The following FBXL20 variants were observed in gnomAD, a reference collection of about 807,000 sequenced individuals.
FBXL20 encodes F-box and leucine rich repeat protein 20, also known as F-box/LRR-repeat protein 20.
Under a neutral mutation model 64.0 loss-of-function variants are expected in FBXL20, and 11 were observed. That is an observed-to-expected ratio of 0.17 (90% CI 0.11 to 0.28). The LOEUF (loss-of-function observed/expected upper bound fraction) is 0.28. Ranked by LOEUF, FBXL20 falls within the 10% of genes least tolerant of loss-of-function variation. The pLI, the probability that FBXL20 is intolerant of heterozygous loss-of-function variation, is 1.00. For missense variants in FBXL20, 303 were observed against 526.2 expected (o/e 0.58, Z 4.15); for synonymous variants, 184 against 189.0 (o/e 0.97, Z 0.22).
At chr17:39,381,723 GT>G (rs1359949944) in intron 1 of FBXL20, among the ~76,000 whole-genome samples, 2 of 150,430 alleles carry the variant, frequency 1.3e-5, no homozygotes, top group African/African-American at 4.9e-5. Flanking sequence ...CGGTGGAGAG[GT>G]TTAGGCTGTA....
Position 39,278,223 on chromosome 17 carries a change from G to A in FBXL20, c.697-3123C>T, listed in dbSNP as rs190840028. Among the ~76,000 whole-genome samples, 72 of 152,246 alleles carry A rather than the reference G, an allele frequency of 4.7e-4. 1 individual carries two copies. Among genetic ancestry groups the A allele is most frequent in the Admixed American group, 1.4e-3 (22 of 15,290 alleles). On this transcript the variant is annotated intron_variant, in intron 9 of 14. Transcript: ENST00000264658. ...TGCAGTGGCGTGCTCTTGGCTCACC[G>A]CTACATCTGCCTCCCAGGTTCAAGT...
At position 39,310,355 on chromosome 17, in the gene FBXL20, G is replaced by T. The variant is rs78452492; in HGVS notation, c.105-6716C>A. ...ATTTGCACATGCAATCCATGACGTA[G>T]CATGAAAAGACAGCCATGCATGCCT... On this transcript the variant is annotated intron_variant, in intron 2 of 14. Coordinates refer to ENST00000264658, the MANE Select transcript of FBXL20 (RefSeq NM_032875.3). Among the ~76,000 whole-genome samples, 4 of 152,022 alleles carry T rather than the reference G, an allele frequency of 2.6e-5. No individual in the cohort carries two copies. In the East Asian group the frequency reaches 7.8e-4, roughly 30 times the overall value.
intron 1 of FBXL20, among the ~76,000 whole-genome samples, chr17:39,375,890 C>T (rs561485990): frequency 2.0e-5 from 3 of 152,014 alleles, no homozygotes; most frequent in South Asian, 2.1e-4. Context: ...GAGGCCAAGG[C>T]GGGCAGATCA....
At chr17:39,383,716 A>G (rs997786691) in intron 1 of FBXL20, among the ~76,000 whole-genome samples, 2 of 151,118 alleles carry the variant, frequency 1.3e-5, no homozygotes, top group African/African-American at 4.9e-5. Flanking sequence ...CAGCCTCCCA[A>G]GTAGCTGGGA....
chr17:39,397,161 C>A (rs766640624), intron 1 of FBXL20, among the ~76,000 whole-genome samples: 1 of 152,142 alleles, frequency 6.6e-6, no homozygotes, highest in Non-Finnish European at 1.5e-5. Context: ...CCGCTTTGGC[C>A]TCCCAAAGTG....
chr17:39,299,637 C>T (rs556640476), intron 4 of FBXL20, among the ~76,000 whole-genome samples: 2 of 151,966 alleles, frequency 1.3e-5, no homozygotes, highest in South Asian at 2.1e-4. Context: ...AAAAACTAGC[C>T]GGGCGTGATG....
At chr17:39,265,247 T>C (rs1394942964) in intron 13 of FBXL20, 150 bp downstream of exon 13, 9 of 579,442 alleles carry the variant, frequency 1.6e-5, no homozygotes, top group Non-Finnish European at 6.1e-6. Flanking sequence ...ACTTCACTCA[T>C]GTACTCCTTT....
intron 6 of FBXL20, among the ~76,000 whole-genome samples, chr17:39,295,067 C>T (rs1467276129): frequency 6.6e-6 from 1 of 151,850 alleles, no homozygotes; most frequent in Non-Finnish European, 1.5e-5. Flanking sequence ...GACTTTTTTT[C>T]AAAATAAGAT....
chr17:39,400,013 C>G (rs969631426), intron 1 of FBXL20, among the ~76,000 whole-genome samples: 1 of 152,142 alleles, frequency 6.6e-6, no homozygotes, highest in African/African-American at 2.4e-5. Flanking sequence ...TACGGTACTA[C>G]TGAATACGAA....
At chr17:39,321,795 A>C (rs8072297) in intron 2 of FBXL20, among the ~76,000 whole-genome samples, 1 of 150,934 alleles carries the variant, frequency 6.6e-6, no homozygotes, top group Non-Finnish European at 1.5e-5. Context: ...AAAAAAAAAA[A>C]AACAAAAATA....
chr17:39,356,481 A>C (rs1269254078), intron 1 of FBXL20, among the ~76,000 whole-genome samples: 1 of 152,052 alleles, frequency 6.6e-6, no homozygotes, highest in Non-Finnish European at 1.5e-5. Context: ...TCAGCCCCCC[A>C]AGTGGCTGGG....
intron 2 of FBXL20, among the ~76,000 whole-genome samples, chr17:39,322,891 G>T (rs1413666215): frequency 2.0e-5 from 3 of 151,522 alleles, no homozygotes; most frequent in Non-Finnish European, 4.4e-5. Flanking sequence ...TGCAAGCTCC[G>T]CCTCCCGGGT....
chr17:39,338,320 A>C (rs2047548758), intron 2 of FBXL20, among the ~76,000 whole-genome samples: 1 of 152,144 alleles, frequency 6.6e-6, no homozygotes, highest in Non-Finnish European at 1.5e-5. Flanking sequence ...GTTTTTGTTA[A>C]ACAGATGCTT....
At chr17:39,277,037 GCT>G (rs1316708026) in intron 9 of FBXL20, among the ~76,000 whole-genome samples, 1 of 152,156 alleles carries the variant, frequency 6.6e-6, no homozygotes. Flanking sequence ...AAAAATAAAA[GCT>G]CTCTTCTTGT....
chr17:39,275,787 T>C (rs189261032), intron 9 of FBXL20, among the ~76,000 whole-genome samples: 3 of 152,162 alleles, frequency 2.0e-5, no homozygotes, highest in East Asian at 1.9e-4. Flanking sequence ...AAAGTTCAAA[T>C]TGACACTGAT....
chr17:39,337,684 G>GA (rs1174308605), intron 2 of FBXL20, among the ~76,000 whole-genome samples: 1 of 151,998 alleles, frequency 6.6e-6, no homozygotes, highest in African/African-American at 2.4e-5. Flanking sequence ...CGCCCCGTCT[G>GA]AGAAGTGAGG....
At chr17:39,318,529 T>A (rs1203577090) in intron 2 of FBXL20, among the ~76,000 whole-genome samples, 2 of 151,490 alleles carry the variant, frequency 1.3e-5, no homozygotes, top group Non-Finnish European at 2.9e-5. Context: ...TCACCTGAGA[T>A]CGAGAGTTCG....
chr17:39,291,256 G>A (rs1034393807), intron 6 of FBXL20, among the ~76,000 whole-genome samples: 9 of 151,812 alleles, frequency 5.9e-5, no homozygotes, highest in East Asian at 3.9e-4. Flanking sequence ...CACCGCGCCC[G>A]GCCACCTATT....
intron 1 of FBXL20, among the ~76,000 whole-genome samples, chr17:39,389,703 A>C (rs2048117532): frequency 6.6e-6 from 1 of 152,172 alleles, no homozygotes; most frequent in Admixed American, 6.5e-5. Context: ...CTGTAGTCCC[A>C]ACTACTCAGG....
Sources: gnomAD v4.1 joint callset for allele counts (sites outside exome capture counted in the v4.1 genomes callset) on GRCh38, gnomAD v4.1.1 for gene constraint, MANE v1.5 for transcripts, NCBI Gene and HGNC (gene_info 2026-07-23, HGNC 2026-07-21) for gene names.